Variants in CADM2 observed in about 807,000 individuals in gnomAD.
CADM2 encodes immunoglobulin superfamily member 4D.
CADM2 carries 12 observed loss-of-function variants against 49.8 expected under a neutral mutation model. The observed-to-expected ratio is 0.24, with a 90% confidence interval of 0.15 to 0.39. The LOEUF is 0.39. Ranked by LOEUF, CADM2 falls within the 10% of genes least tolerant of loss-of-function variation. The pLI, the probability that CADM2 is intolerant of heterozygous loss-of-function variation, is 1.00. For missense variants in CADM2, 378 were observed against 492.3 expected (o/e 0.77, Z 2.20); for synonymous variants, 214 against 175.4 (o/e 1.22, Z -1.74).
chr3:85,270,121 A>T (rs958855214), intron 1 of CADM2, among the ~76,000 whole-genome samples: 3 of 151,290 alleles, frequency 2.0e-5, no homozygotes, highest in African/African-American at 7.3e-5. Flanking sequence ...TTGCCTCAGA[A>T]ATTTTACTCC....
At chr3:85,908,657 C>A (rs975556390) in intron 5 of CADM2, among the ~76,000 whole-genome samples, 20 of 151,872 alleles carry the variant, frequency 1.3e-4, no homozygotes, top group African/African-American at 4.8e-4. Flanking sequence ...GACATTCAGC[C>A]ATCTTTGTTT....
chr3:85,641,052 CA>C (rs2064694792), intron 1 of CADM2, among the ~76,000 whole-genome samples: 1 of 152,102 alleles, frequency 6.6e-6, no homozygotes, highest in African/African-American at 2.4e-5. Context: ...TACTAAAGCC[CA>C]ACTTTGTAAC....
intron 1 of CADM2, among the ~76,000 whole-genome samples, chr3:85,113,602 G>A (rs1013153657): frequency 2.0e-5 from 3 of 151,070 alleles, no homozygotes; most frequent in Non-Finnish European, 4.4e-5. Context: ...TTCAGTTGAT[G>A]TACTGAAATA....
intron 1 of CADM2, among the ~76,000 whole-genome samples, chr3:84,980,092 A>G (rs966197578): frequency 3.3e-4 from 50 of 152,338 alleles, no homozygotes; most frequent in African/African-American, 1.2e-3. Flanking sequence ...ATAATCATAC[A>G]AAGAGTTAAA....
intron 1 of CADM2, among the ~76,000 whole-genome samples, chr3:84,987,027 G>A (rs971732393): frequency 6.6e-6 from 1 of 151,690 alleles, no homozygotes. Context: ...ACTCCAGCCT[G>A]GGCAACAAGA....
At chr3:85,146,571 A>G (rs2107637753) in intron 1 of CADM2, among the ~76,000 whole-genome samples, 2 of 152,326 alleles carry the variant, frequency 1.3e-5, no homozygotes, top group South Asian at 4.1e-4. Flanking sequence ...GTAATCATTG[A>G]TTTATATCAA....
chr3:85,850,250 A>G (rs1457530700), intron 3 of CADM2, among the ~76,000 whole-genome samples: 1 of 152,068 alleles, frequency 6.6e-6, no homozygotes, highest in Non-Finnish European at 1.5e-5. Flanking sequence ...TGGTACATAA[A>G]AAACCAAGGC....
At chr3:85,704,851 T>TTTA (rs1246413334) in intron 1 of CADM2, among the ~76,000 whole-genome samples, 7 of 150,196 alleles carry the variant, frequency 4.7e-5, no homozygotes, top group Non-Finnish European at 1.0e-4. Flanking sequence ...TCTTTATTTA[T>TTTA]TTATTATTAT....
At chr3:85,606,111 G>A (rs146122112) in intron 1 of CADM2, among the ~76,000 whole-genome samples, 148 of 151,996 alleles carry the variant, frequency 9.7e-4, no homozygotes, top group African/African-American at 3.4e-3. Flanking sequence ...TGGTACTAAG[G>A]GCATTATAGA....
intron 1 of CADM2, among the ~76,000 whole-genome samples, chr3:85,459,771 C>G (rs1268348270): frequency 6.6e-6 from 1 of 152,182 alleles, no homozygotes; most frequent in Non-Finnish European, 1.5e-5. Flanking sequence ...TGAAGCGAGA[C>G]TAAAAAGCAT....
At chr3:85,948,903 A>C (rs1248431906) in intron 7 of CADM2, among the ~76,000 whole-genome samples, 1 of 151,510 alleles carries the variant, frequency 6.6e-6, no homozygotes, top group Non-Finnish European at 1.5e-5. Flanking sequence ...GAGAAAGGAA[A>C]GTAAAAGATA....
At chr3:85,909,901 G>T (rs545800864) in intron 5 of CADM2, among the ~76,000 whole-genome samples, 17 of 152,256 alleles carry the variant, frequency 1.1e-4, no homozygotes, top group Admixed American at 1.1e-3. Context: ...GGGGAAGAAG[G>T]TCAGCCTAAA....
intron 1 of CADM2, among the ~76,000 whole-genome samples, chr3:84,976,655 G>A (rs188611895): frequency 5.9e-5 from 9 of 151,726 alleles, no homozygotes; most frequent in South Asian, 2.1e-4. Flanking sequence ...AGTTCATACC[G>A]AAATGCTCTA....
intron 1 of CADM2, among the ~76,000 whole-genome samples, chr3:85,651,308 TAAC>T (rs1291626488): frequency 6.6e-6 from 1 of 152,152 alleles, no homozygotes; most frequent in Non-Finnish European, 1.5e-5. Context: ...AAAGGTCACT[TAAC>T]AAGAGCAATT....
At chr3:85,735,947 T>C (rs528461534) in intron 2 of CADM2, among the ~76,000 whole-genome samples, 20 of 152,224 alleles carry the variant, frequency 1.3e-4, no homozygotes, top group African/African-American at 4.8e-4. Flanking sequence ...AGTTCTACAC[T>C]TTAGATAAAC....
At chr3:85,696,755 T>A (rs1054153078) in intron 1 of CADM2, among the ~76,000 whole-genome samples, 1 of 151,948 alleles carries the variant, frequency 6.6e-6, no homozygotes, top group Admixed American at 6.6e-5. Flanking sequence ...AGGCTTGGTA[T>A]CTACTAAGAC....
chr3:85,118,247 A>T (rs1026136312), intron 1 of CADM2, among the ~76,000 whole-genome samples: 1 of 150,576 alleles, frequency 6.6e-6, no homozygotes, highest in African/African-American at 2.4e-5. Context: ...AAGAGTACAT[A>T]AAATATTAAA....
At chr3:85,212,896 C>CTTTCTCTTTCTTTT (rs1559723958) in intron 1 of CADM2, among the ~76,000 whole-genome samples, 1 of 117,902 alleles carries the variant, frequency 8.5e-6, no homozygotes, top group Non-Finnish European at 1.7e-5. Flanking sequence ...CTCTTTCTTT[C>CTTTCTCTTTCTTTT]TTTTAATGGA....
chr3:86,052,071 T>C (rs765072044), intron 8 of CADM2, among the ~76,000 whole-genome samples: 2 of 152,178 alleles, frequency 1.3e-5, no homozygotes, highest in Non-Finnish European at 1.5e-5. Flanking sequence ...ATGGATTTAT[T>C]TGAAGGTAGG....
Sources: gnomAD v4.1 joint callset for allele counts (sites outside exome capture counted in the v4.1 genomes callset) on GRCh38, gnomAD v4.1.1 for gene constraint, MANE v1.5 for transcripts, NCBI Gene and HGNC (gene_info 2026-07-23, HGNC 2026-07-21) for gene names.